NARS2: variants seen among roughly 807,000 people sequenced by gnomAD.
NARS2 encodes asparaginyl-tRNA synthetase 2, mitochondrial, also known as asparaginyl-tRNA synthetase.
Under a neutral mutation model 62.9 loss-of-function variants are expected in NARS2, and 60 were observed. That is an observed-to-expected ratio of 0.95 (90% CI 0.77 to 1.18). The LOEUF is 1.18. Ranked by LOEUF, NARS2 falls within the 50% of genes most tolerant of loss-of-function variation. The pLI, the probability that NARS2 is intolerant of heterozygous loss-of-function variation, is 0.00. For synonymous variants in NARS2, 196 were observed against 200.0 expected (o/e 0.98, Z 0.17); for missense variants, 619 against 576.4 (o/e 1.07, Z -0.76).
chr11:78,555,610 T>A (rs1340619802), intron 5 of NARS2, among the ~76,000 whole-genome samples: 1 of 152,174 alleles, frequency 6.6e-6, no homozygotes, highest in Non-Finnish European at 1.5e-5. Flanking sequence ...TGGCCTATCA[T>A]CAATTTTTTC....
chr11:78,450,714 G>A (rs954741964), intron 11 of NARS2, among the ~76,000 whole-genome samples: 14 of 127,144 alleles, frequency 1.1e-4, no homozygotes, highest in South Asian at 7.6e-4. Flanking sequence ...TCACTGTGTC[G>A]CCCAGGCTGG....
At chr11:78,569,709 T>C (rs1206981087) in intron 2 of NARS2, among the ~76,000 whole-genome samples, 2 of 152,136 alleles carry the variant, frequency 1.3e-5, no homozygotes, top group Non-Finnish European at 2.9e-5. Context: ...AGAGGGTAAT[T>C]TGAGATGCTC....
At chr11:78,486,704 T>C (rs1859590556) in intron 7 of NARS2, among the ~76,000 whole-genome samples, 1 of 152,068 alleles carries the variant, frequency 6.6e-6, no homozygotes, top group Non-Finnish European at 1.5e-5. Context: ...AGCCAGGATA[T>C]ACTTAAAAAT....
At chr11:78,463,985 A>C (rs1236692474) in intron 11 of NARS2, among the ~76,000 whole-genome samples, 1 of 152,138 alleles carries the variant, frequency 6.6e-6, no homozygotes, top group African/African-American at 2.4e-5. Flanking sequence ...GGTCTCACTG[A>C]CTTCAACAAT....
chr11:78,532,194 C>G (rs184058882), intron 5 of NARS2, among the ~76,000 whole-genome samples: 3 of 152,246 alleles, frequency 2.0e-5, no homozygotes, highest in Non-Finnish European at 4.4e-5. Flanking sequence ...AAACACCCAA[C>G]TTTGTGACTT....
At chr11:78,574,227 A>G (rs1857032838) in intron 1 of NARS2, 121 bp downstream of exon 1, 1 of 1,308,710 alleles carries the variant, frequency 7.6e-7, no homozygotes, top group Non-Finnish European at 1.1e-6. Context: ...CGACGCCTAC[A>G]CTTTCTAACT....
chr11:78,438,807 C>T (rs903405380), intron 13 of NARS2, among the ~76,000 whole-genome samples: 3 of 152,108 alleles, frequency 2.0e-5, no homozygotes, highest in Non-Finnish European at 4.4e-5. Flanking sequence ...GGCTTCTCAC[C>T]GTATGGTGGA....
At chr11:78,440,856 A>G (rs553934184) in intron 13 of NARS2, among the ~76,000 whole-genome samples, 4 of 152,268 alleles carry the variant, frequency 2.6e-5, no homozygotes, top group Non-Finnish European at 4.4e-5. Flanking sequence ...TTTTTAACAT[A>G]ATTATCTGGC....
intron 5 of NARS2, chr11:78,533,145 C>T (rs1861540505): frequency 6.6e-6 from 1 of 152,160 alleles, no homozygotes; most frequent in Non-Finnish European, 1.5e-5. Context: ...AGCCCCAGCA[C>T]CAGCATGGAC....
rs1861136715 is a variant in NARS2, at chr11:78,521,791, A to G, written c.689+7051T>C. 2.0e-5 allele frequency among the ~76,000 whole-genome samples: 3 copies of G among 148,366 alleles called. No individual in the cohort carries two copies. The South Asian group carries it at 6.3e-4, about 31-fold the overall frequency. On this transcript the variant is annotated intron_variant, in intron 6 of 13. Coordinates refer to ENST00000281038, the MANE Select transcript of NARS2 (RefSeq NM_024678.6). ...GGCGACAGAGCGAGACTCCGTCTCA[A>G]AAAAAAAAAAAAAAAAAAGAAAAGC... is the stretch of plus-strand genomic sequence containing the variant.
Position 78,571,398 on chromosome 11 carries a change from T to C in NARS2, c.188A>G (p.His63Arg), listed in dbSNP as rs764304306. The C allele has an allele frequency of 1.9e-6, 3 of 1,613,710 alleles. No homozygotes were observed. Among genetic ancestry groups the C allele is most frequent in the Non-Finnish European group, 2.5e-6 (3 of 1,179,920 alleles). Residue 63 changes from histidine to arginine, a missense_variant, in exon 2 of 14, where the codon CAT (histidine) becomes CGT (arginine). Transcript: ENST00000281038. ...TTCCAAAGATGACCCATCATTTACA[T>C]GCAGGAACAAGACTTCCTTCTGGGA... ...VRSQKEVLFL[H>R]VNDGSSLESL...
intron 5 of NARS2, among the ~76,000 whole-genome samples, chr11:78,531,129 A>G (rs1483928565): frequency 6.6e-6 from 1 of 152,300 alleles, no homozygotes; most frequent in East Asian, 1.9e-4. Flanking sequence ...ACAGAAAAAT[A>G]AAAGAAAAAA....
At chr11:78,477,609 T>C (rs757170541) in intron 9 of NARS2, among the ~76,000 whole-genome samples, 2 of 152,232 alleles carry the variant, frequency 1.3e-5, no homozygotes, top group Non-Finnish European at 2.9e-5. Flanking sequence ...TTTGGTCAAA[T>C]AGTATTCTGA....
chr11:78,514,297 T>A (rs1860826829), intron 6 of NARS2, among the ~76,000 whole-genome samples: 1 of 152,090 alleles, frequency 6.6e-6, no homozygotes, highest in South Asian at 2.1e-4. Context: ...AAGTTTTGTA[T>A]TTTTTGCAGA....
At chr11:78,534,655 T>A (rs79952856) in intron 5 of NARS2, among the ~76,000 whole-genome samples, 3,082 of 152,336 alleles carry the variant, frequency 0.02, 94 homozygotes, top group African/African-American at 0.07. Context: ...CACAGTGTTA[T>A]CTCATCAAAT....
At chr11:78,539,781 C>A (rs1284934944) in intron 5 of NARS2, among the ~76,000 whole-genome samples, 2 of 152,132 alleles carry the variant, frequency 1.3e-5, no homozygotes, top group African/African-American at 4.8e-5. Flanking sequence ...ACATGTCCTG[C>A]AATATATACA....
In NARS2 at chr11:78,574,785, C is replaced by T. The variant is rs1404030562; in HGVS notation, c.-297G>A. 5.3e-6 allele frequency: 2 copies of T among 376,468 alleles called. No individual in the cohort carries two copies. The highest frequency in any genetic ancestry group is 3.9e-5 in the South Asian group (1 of 25,618). The allele number at this position is 376,468 out of a possible 1,614,324, so 23.3% of individuals were successfully genotyped here. On this transcript the variant is annotated 5_prime_UTR_variant, in exon 1 of 14. Coordinates refer to ENST00000281038, the MANE Select transcript of NARS2 (RefSeq NM_024678.6). ...CCCCACTACCCGCGACAATTGTAAA[C>T]CTACGAACAGAACCCGGGCCGCAAC...
intron 5 of NARS2, among the ~76,000 whole-genome samples, chr11:78,542,775 T>TGTAGTTTTA (rs1470493908): frequency 6.6e-5 from 10 of 152,184 alleles, no homozygotes; most frequent in Non-Finnish European, 8.8e-5. Context: ...GGTGCGCACC[T>TGTAGTTTTA]GTAGTTTTAG....
At chr11:78,438,152 G>A (rs1857468747) in intron 13 of NARS2, among the ~76,000 whole-genome samples, 1 of 151,948 alleles carries the variant, frequency 6.6e-6, no homozygotes, top group Non-Finnish European at 1.5e-5. Context: ...TAATAATAAT[G>A]GCTACATATA....
Sources: gnomAD v4.1 joint callset for allele counts (sites outside exome capture counted in the v4.1 genomes callset) on GRCh38, gnomAD v4.1.1 for gene constraint, MANE v1.5 for transcripts, NCBI Gene and HGNC (gene_info 2026-07-23, HGNC 2026-07-21) for gene names.